FBXL5: variants seen among roughly 807,000 people sequenced by gnomAD.
FBXL5 encodes F-box/LRR-repeat protein 5.
FBXL5 carries 26 observed loss-of-function variants against 78.3 expected under a neutral mutation model. That is an observed-to-expected ratio of 0.33 (90% CI 0.24 to 0.46). FBXL5 has a LOEUF of 0.46. FBXL5 is among the 20% of genes least tolerant of loss of function. FBXL5 has a pLI of 1.00. For missense variants in FBXL5, 710 were observed against 829.2 expected (o/e 0.86, Z 1.77); for synonymous variants, 295 against 282.5 (o/e 1.04, Z -0.45).
chr4:15,623,105 G>A (rs1279706028), intron 9 of FBXL5, among the ~76,000 whole-genome samples: 3 of 152,064 alleles, frequency 2.0e-5, no homozygotes, highest in African/African-American at 7.2e-5. Flanking sequence ...TTAACTCTCT[G>A]CCTTTTCAGG....
intron 9 of FBXL5, among the ~76,000 whole-genome samples, chr4:15,613,502 T>G (rs1722410002): frequency 6.6e-6 from 1 of 152,136 alleles, no homozygotes; most frequent in African/African-American, 2.4e-5. Context: ...TCCTTGATTA[T>G]TCCCTCAAAT....
At chr4:15,651,355 T>C (rs1480917574) in intron 1 of FBXL5, among the ~76,000 whole-genome samples, 2 of 152,216 alleles carry the variant, frequency 1.3e-5, no homozygotes, top group African/African-American at 4.8e-5. Context: ...ACTAATTGAA[T>C]GAGTTGGGTA....
intron 1 of FBXL5, among the ~76,000 whole-genome samples, chr4:15,654,137 G>A (rs138346561): frequency 4.3e-4 from 66 of 152,308 alleles, no homozygotes; most frequent in African/African-American, 1.5e-3. Flanking sequence ...GCCTGGCTGA[G>A]CTATGAAACA....
chr4:15,640,181 C>A (rs1265868385), intron 3 of FBXL5, among the ~76,000 whole-genome samples: 1 of 152,046 alleles, frequency 6.6e-6, no homozygotes, highest in Admixed American at 6.5e-5. Flanking sequence ...GCTGAGATGA[C>A]AGGCACATGC....
chr4:15,629,932 T>A (rs560475128), intron 6 of FBXL5, among the ~76,000 whole-genome samples: 1 of 152,290 alleles, frequency 6.6e-6, no homozygotes, highest in South Asian at 2.1e-4. Context: ...CTGTTCATTT[T>A]TTACTATTTT....
At chr4:15,626,806 G>T in intron 8 of FBXL5, 67 bp downstream of exon 8, 1 of 1,107,208 alleles carries the variant, frequency 9.0e-7, no homozygotes, top group Non-Finnish European at 1.3e-6. Context: ...TGATTAAACT[G>T]CAATTACATA....
At chr4:15,609,691 T>C (rs1722110204) in intron 10 of FBXL5, among the ~76,000 whole-genome samples, 1 of 152,112 alleles carries the variant, frequency 6.6e-6, no homozygotes, top group African/African-American at 2.4e-5. Flanking sequence ...AATTTTTTAA[T>C]GTTATGGCTA....
chr4:15,669,393 A>G (rs567840694), intron 1 of FBXL5, among the ~76,000 whole-genome samples: 35 of 152,318 alleles, frequency 2.3e-4, no homozygotes, highest in African/African-American at 8.4e-4. Flanking sequence ...TCATATATGT[A>G]GTGTTTTGTT....
intron 1 of FBXL5, among the ~76,000 whole-genome samples, chr4:15,653,643 AT>A (rs35305004): frequency 7.7e-4 from 116 of 150,346 alleles, no homozygotes; most frequent in African/African-American, 2.1e-3. Flanking sequence ...TTTTGAGACC[AT>A]TTTTTTTTTC....
In FBXL5 at chr4:15,644,544, A is replaced by G; in HGVS notation, c.249T>C (p.Asn83=). The G allele has an allele frequency of 6.2e-7, 1 of 1,614,030 alleles. No individual in the cohort carries two copies. Among genetic ancestry groups the G allele is most frequent in the Non-Finnish European group, 8.5e-7 (1 of 1,179,952 alleles). The change falls in exon 2 of 11, where the codon AAT becomes AAC. Residue 83 remains asparagine, a synonymous_variant. Transcript: ENST00000341285. ...AGAGGCTAAGCATCTCGGAGAGTTT[A>G]TTGTCAGAATGTACATTATAAATGG... The part of the protein sequence containing the change: ...SQTIYNVHSD[N]KLSEMLSLFE...
chr4:15,667,840 G>A (rs764840862), intron 1 of FBXL5, among the ~76,000 whole-genome samples: 5 of 152,150 alleles, frequency 3.3e-5, no homozygotes, highest in Admixed American at 6.5e-5. Flanking sequence ...TCAGGAGTTC[G>A]AGACTAGCCT....
chr4:15,625,169 G>C, intron 9 of FBXL5, 83 bp downstream of exon 9: 1 of 1,449,862 alleles, frequency 6.9e-7, no homozygotes, highest in Non-Finnish European at 9.2e-7. Context: ...CAACTGAAAA[G>C]AATGACTTAG....
rs76701917 is a variant in FBXL5, at chr4:15,630,554, C to T, written c.892+112G>A. On this transcript the variant is annotated intron_variant, in intron 6 of 10. Coordinates refer to ENST00000341285, the MANE Select transcript of FBXL5 (RefSeq NM_012161.4). ...TTAAAAAGTAGTAGGCTTAGAAACACCAGTTTCTTTAGAAAACACAAAATA... is the reference window on the plus strand; with the variant it reads ...TTAAAAAGTAGTAGGCTTAGAAACATCAGTTTCTTTAGAAAACACAAAATA... 658 of 966,514 alleles carry T rather than the reference C, an allele frequency of 6.8e-4. 3 individuals are homozygous for T. The African/African-American group carries it at 0.011, about 15-fold the overall frequency. 59.9% of individuals were successfully genotyped at this position (966,514 alleles called of 1,614,324 possible). A position where few individuals can be genotyped will look rare whatever the true frequency, so the allele number is the denominator to read the frequency against.
In FBXL5 at chr4:15,680,932, T is replaced by C. The variant is rs890982893; in HGVS notation, c.-284+451A>G. On this transcript the variant is annotated intron_variant, in intron 1 of 4. Coordinates refer to the FBXL5 transcript ENST00000507899. ...TATTATATATATAAGAATATATATA[T>C]ATTCTCCTTTATATGTTTTTTGTTT... 1.1e-4 allele frequency among the ~76,000 whole-genome samples: 17 copies of C among 148,692 alleles called. No homozygotes were observed. The South Asian group carries it at 3.6e-3, about 31-fold the overall frequency.
intron 1 of FBXL5, among the ~76,000 whole-genome samples, chr4:15,668,823 TCA>T (rs1158838061): frequency 6.6e-6 from 1 of 152,214 alleles, no homozygotes; most frequent in African/African-American, 2.4e-5. Context: ...AGAAAACAAC[TCA>T]CATATTTTCT....
chr4:15,656,122 T>G (rs1344779511), upstream of FBXL5: 2 of 454,184 alleles, frequency 4.4e-6, no homozygotes, highest in South Asian at 3.1e-5. Context: ...CGACGGGCCT[T>G]GGGGGTGGGG....
At chr4:15,613,429 TA>T (rs896132045) in intron 9 of FBXL5, among the ~76,000 whole-genome samples, 1 of 152,180 alleles carries the variant, frequency 6.6e-6, no homozygotes, top group African/African-American at 2.4e-5. Flanking sequence ...ATAAATAGGA[TA>T]AAATTAAAAG....
At chr4:15,670,335 A>G (rs577157682) in intron 1 of FBXL5, among the ~76,000 whole-genome samples, 25 of 152,370 alleles carry the variant, frequency 1.6e-4, no homozygotes, top group Non-Finnish European at 3.1e-4. Flanking sequence ...TACAGGAAAC[A>G]GTCAAAATAT....
At chr4:15,650,649 A>AT (rs1328670296) in intron 1 of FBXL5, among the ~76,000 whole-genome samples, 3 of 144,968 alleles carry the variant, frequency 2.1e-5, no homozygotes, top group African/African-American at 7.6e-5. Context: ...AAAAGGATTT[A>AT]TAACTGACTT....
Sources: allele counts gnomAD v4.1 joint callset (sites outside exome capture counted in the v4.1 genomes callset), GRCh38; gene constraint gnomAD v4.1.1; transcripts MANE v1.5; gene names NCBI Gene and HGNC (gene_info 2026-07-23, HGNC 2026-07-21).